Variants in CPD observed in about 807,000 individuals in gnomAD.
CPD encodes the protein metallocarboxypeptidase D.
CPD carries 69 observed loss-of-function variants against 138.3 expected under a neutral mutation model. The observed-to-expected ratio is 0.50, with a 90% confidence interval of 0.41 to 0.61. CPD has a LOEUF of 0.61. Ranked by LOEUF, CPD falls within the 20% of genes least tolerant of loss-of-function variation. CPD has a pLI of 0.00. For synonymous variants in CPD, 651 were observed against 642.1 expected, an observed-to-expected ratio of 1.01 and a Z score of -0.21; for missense variants, 1,432 against 1,733.3, an observed-to-expected ratio of 0.83 and a Z score of 3.09.
chr17:30,462,055 A>G lies in CPD; in HGVS notation c.3809A>G (p.His1270Arg). ...ATCGCTGATGGGTACCAGCAACAACATTCACAGGTAAGAAACTCAAATTGA... is the reference window on the plus strand; with the variant it reads ...ATCGCTGATGGGTACCAGCAACAACGTTCACAGGTAAGAAACTCAAATTGA... Reference protein sequence around the residue: ...IAIADGYQQQHSQVFVHHDAA... With the variant: ...IAIADGYQQQRSQVFVHHDAA... Residue 1270 changes from histidine to arginine, a missense_variant, in exon 19 of 21, where the codon CAT becomes CGT. By Grantham distance (29) the His-to-Arg change is conservative. Coordinates refer to ENST00000225719, the MANE Select transcript of CPD (RefSeq NM_001304.5). 1.9e-6 allele frequency: 3 copies of G among 1,606,444 alleles called. No individual in the cohort carries two copies. The highest frequency in any genetic ancestry group is 2.5e-6 in the Non-Finnish European group (3 of 1,177,694).
intron 2 of CPD, among the ~76,000 whole-genome samples, chr17:30,389,928 T>G (rs529388339): frequency 1.1e-4 from 16 of 152,312 alleles, no homozygotes; most frequent in African/African-American, 3.6e-4. Context: ...GGTTTTAGTT[T>G]CAACAGGGTG....
At chr17:30,384,868 G>T in intron 1 of CPD, 121 bp from the exon 2 acceptor site, 2 of 1,101,300 alleles carry the variant, frequency 1.8e-6, no homozygotes, top group East Asian at 4.8e-5. Flanking sequence ...TGATAGAGTT[G>T]TTTTCTAGGT....
chr17:30,384,840 C>G, intron 1 of CPD, 149 bp from the exon 2 acceptor site: 3 of 817,132 alleles, frequency 3.7e-6, no homozygotes, highest in Non-Finnish European at 5.8e-6. Flanking sequence ...TGTTAGTCTC[C>G]TTATAACAGA....
intron 2 of CPD, among the ~76,000 whole-genome samples, chr17:30,400,356 C>T (rs970567890): frequency 6.6e-6 from 1 of 152,128 alleles, no homozygotes; most frequent in Non-Finnish European, 1.5e-5. Flanking sequence ...TTTATCCTCC[C>T]CTTTTATGTT....
At chr17:30,432,767 A>C (rs1197717397) in intron 8 of CPD, among the ~76,000 whole-genome samples, 1 of 151,956 alleles carries the variant, frequency 6.6e-6, no homozygotes, top group Admixed American at 6.6e-5. Context: ...AATAAAAAAA[A>C]AATTAGCCGG....
chr17:30,442,457 A>G lies in CPD; in HGVS notation c.2373+7A>G, dbSNP rs181645095. 1.4e-5 allele frequency: 22 copies of G among 1,611,792 alleles called. No individual in the cohort carries two copies. The highest frequency in any genetic ancestry group is 1.8e-5 in the Non-Finnish European group (21 of 1,178,480). On this transcript the variant is annotated splice_region_variant and intron_variant, in intron 10 of 20. Transcript: ENST00000225719. Reference sequence around the variant, plus strand: ...AATCCAGTTTATGAAACAGGTGACTATTCAGGAGTGAAGTATGAAATTTCT... The same window carrying G: ...AATCCAGTTTATGAAACAGGTGACTGTTCAGGAGTGAAGTATGAAATTTCT...
chr17:30,448,261 G>A (rs1913078315), intron 12 of CPD, among the ~76,000 whole-genome samples: 1 of 152,170 alleles, frequency 6.6e-6, no homozygotes, highest in Non-Finnish European at 1.5e-5. Context: ...ACTTTGGGAG[G>A]CCCAGGTGGG....
In CPD at chr17:30,379,740, GC is replaced by G; in HGVS notation, c.746+19del. ...CCGCAGGAACAAGTGAGTGTTGCCT[GC>G]CCCCTCCCCGTCCGTGTGAGCCTCC... On this transcript the variant is annotated intron_variant, in intron 1 of 20. Coordinates refer to ENST00000225719, the MANE Select transcript of CPD (RefSeq NM_001304.5). The surrounding 1 kb of genome is among the most constrained non-coding windows in gnomAD (Gnocchi z 7.0). 6.9e-7 allele frequency: 1 copy of G among 1,440,028 alleles called. No individual in the cohort carries two copies. The highest frequency in any genetic ancestry group is 9.0e-7 in the Non-Finnish European group (1 of 1,105,326). The allele number at this position is 1,440,028 out of a possible 1,614,324, so 89.2% of individuals were successfully genotyped here.
intron 2 of CPD, among the ~76,000 whole-genome samples, chr17:30,408,603 CTG>C (rs1415587022): frequency 2.0e-5 from 3 of 152,226 alleles, no homozygotes; most frequent in Admixed American, 2.0e-4. Context: ...ATTTGGCTCT[CTG>C]TATGTCTGTT....
intron 10 of CPD, 121 bp from the exon 11 acceptor site, chr17:30,443,681 C>T: frequency 1.0e-6 from 1 of 971,652 alleles, no homozygotes; most frequent in Non-Finnish European, 1.5e-6. Context: ...ACTCTGAACT[C>T]CTAAATTCCT....
At position 30,378,985 on chromosome 17, in the gene CPD, C is replaced by T. The variant is rs1033495193; in HGVS notation, c.5C>T (p.Ala2Val). Residue 2 changes from alanine to valine, a missense_variant, in exon 1 of 21, where the codon GCG becomes GTG. Ala to Val is a moderately conservative substitution (Grantham distance 64, BLOSUM62 0). This residue lies in a region of CPD where 484 missense variants were observed against 477.2 expected (regional missense o/e 1.01). Transcript: ENST00000225719. ...GGTTAGCGGCGCTGCTGGAAGATGG[C>T]GAGCGGCCGGGACGAGCGGCCGCCT... The part of the protein sequence containing the change: M[A>V]SGRDERPPWR... 1.1e-5 allele frequency: 17 copies of T among 1,530,012 alleles called. No homozygotes were observed. Among genetic ancestry groups the T allele is most frequent in the African/African-American group, 2.9e-5 (2 of 69,530 alleles). The allele number at this position is 1,530,012 out of a possible 1,614,324, so 94.8% of individuals were successfully genotyped here. A position where few individuals can be genotyped will look rare whatever the true frequency, so the allele number is the denominator to read the frequency against.
intron 17 of CPD, among the ~76,000 whole-genome samples, chr17:30,459,976 A>G (rs770680203): frequency 1.3e-5 from 2 of 152,206 alleles, no homozygotes; most frequent in Non-Finnish European, 2.9e-5. Context: ...GCATTTTGCT[A>G]TATTAGTGAT....
chr17:30,430,776 C>T (rs984719050), intron 7 of CPD, among the ~76,000 whole-genome samples: 1 of 152,128 alleles, frequency 6.6e-6, no homozygotes, highest in African/African-American at 2.4e-5. Context: ...ACCTCAGCCT[C>T]CCAAGTAGCT....
At chr17:30,455,075 T>C (rs1000039223) in intron 14 of CPD, 6 of 249,558 alleles carry the variant, frequency 2.4e-5, no homozygotes, top group African/African-American at 1.3e-4. Flanking sequence ...GCTTATTCTT[T>C]TTGTTTTTTT....
intron 2 of CPD, among the ~76,000 whole-genome samples, chr17:30,399,883 G>A (rs1597710664): frequency 2.6e-5 from 4 of 152,040 alleles, no homozygotes; most frequent in Admixed American, 1.3e-4. Context: ...CCAGCTACTC[G>A]AGAGGCTGAG....
At chr17:30,413,412 G>A (rs1156575094) in intron 2 of CPD, among the ~76,000 whole-genome samples, 1 of 152,214 alleles carries the variant, frequency 6.6e-6, no homozygotes, top group African/African-American at 2.4e-5. Context: ...TGCCCTAGGA[G>A]ACAAGGTTAA....
chr17:30,439,213 TTAAA>T (rs1261024920), intron 9 of CPD, 136 bp downstream of exon 9: 21 of 533,774 alleles, frequency 3.9e-5, no homozygotes, highest in Non-Finnish European at 6.3e-5. Flanking sequence ...TTTAAAATAT[TTAAA>T]TAATCTTTTC....
intron 2 of CPD, among the ~76,000 whole-genome samples, chr17:30,411,710 G>A (rs900996141): frequency 1.3e-5 from 2 of 152,116 alleles, no homozygotes; most frequent in Admixed American, 6.5e-5. Flanking sequence ...AGCTCCATCA[G>A]GTCATTTAAG....
chr17:30,450,870 A>C (rs910411605), intron 13 of CPD, among the ~76,000 whole-genome samples: 7 of 152,044 alleles, frequency 4.6e-5, no homozygotes, highest in Non-Finnish European at 1.0e-4. Context: ...AAACAAAACA[A>C]AACAAAACTT....
Sources: gnomAD v4.1 joint callset for allele counts (sites outside exome capture counted in the v4.1 genomes callset) on GRCh38, gnomAD v4.1.1 for gene constraint, gnomAD v4.1.1 regional missense constraint, Gnocchi (gnomAD v3.1) non-coding constraint, MANE v1.5 for transcripts, NCBI Gene and HGNC (gene_info 2026-07-23, HGNC 2026-07-21) for gene names.